AQP5: variants seen among roughly 807,000 people sequenced by gnomAD.
AQP5 encodes the protein aquaporin-5.
In AQP5, 15 loss-of-function variants were observed where a neutral mutation model predicts 19.1. That is an observed-to-expected ratio of 0.79 (90% CI 0.53 to 1.21). The LOEUF (loss-of-function observed/expected upper bound fraction) is 1.21, where lower values mean the gene tolerates loss of function less well. Among genes scored for constraint, AQP5 ranks in the 50% most tolerant of loss-of-function variants. AQP5 has a pLI of 0.00. For synonymous variants in AQP5, 182 were observed against 160.3 expected, an observed-to-expected ratio of 1.14 and a Z score of -1.02; for missense variants, 355 against 357.1, an observed-to-expected ratio of 0.99 and a Z score of 0.05.
chr12:49,962,665 A>C (rs1947443027), intron 1 of AQP5: 4 of 362,610 alleles, frequency 1.1e-5, no homozygotes, highest in South Asian at 5.6e-5. Context: ...CTCCTGTCTC[A>C]CCTTTGAGCT....
rs773360590 is a variant in AQP5 at position 49,962,083 on chromosome 12, C to T, written c.66C>T (p.Leu22=). The T allele has an allele frequency of 1.9e-6, 3 of 1,612,974 alleles. No homozygotes were observed. In the African/African-American group the frequency reaches 4.0e-5, roughly 22 times the overall value. ...TGTTCGCAGAGTTCTTGGCCACCCTCATCTTCGTCTTCTTTGGCCTGGGCT... is the reference window on the plus strand; with the variant it reads ...TGTTCGCAGAGTTCTTGGCCACCCTTATCTTCGTCTTCTTTGGCCTGGGCT... ...KAVFAEFLAT[L]IFVFFGLGSA... Residue 22 remains leucine (L), a synonymous_variant, in exon 1 of 4, where the codon CTC becomes CTT. Coordinates refer to ENST00000293599, the MANE Select transcript of AQP5 (RefSeq NM_001651.4).
At position 49,963,821 on chromosome 12, in the gene AQP5, C is replaced by A. The variant is rs1017961858; in HGVS notation, c.528+165C>A. On this transcript the variant is annotated intron_variant, in intron 2 of 3. Coordinates refer to ENST00000293599, the MANE Select transcript of AQP5 (RefSeq NM_001651.4). ...CCCTACTGGGCCCCAGAATTGATCC[C>A]CCCAAAACCTCTGGGCTGAGGAAAG... 3 of 1,069,304 alleles carry A rather than the reference C, an allele frequency of 2.8e-6. No homozygotes were observed. In the South Asian group the frequency reaches 5.0e-5, roughly 18 times the overall value. 66.2% of individuals were successfully genotyped at this position (1,069,304 alleles called of 1,614,324 possible). A position where few individuals can be genotyped will look rare whatever the true frequency, so the allele number is the denominator to read the frequency against.
At chr12:49,964,670 T>C (rs1947469580) in intron 3 of AQP5, 5 of 985,266 alleles carry the variant, frequency 5.1e-6, no homozygotes, top group Non-Finnish European at 6.0e-6. Context: ...GCTCTGTTCA[T>C]CCGTCTCTCT....
rs368250216 is a variant in AQP5 at position 49,962,350 on chromosome 12, C to G, written c.333C>G (p.Leu111=). Residue 111 remains leucine, a synonymous_variant, in exon 1 of 4, where the codon CTC becomes CTG. Transcript: ENST00000293599. ...GAGILYGVAP[L]NARGNLAVNA... is the part of the protein sequence containing the mutation. ...GCATCCTCTACGGTGTGGCACCGCT[C>G]AATGCCCGGGGCAATCTGGCCGTCA... 3 of 1,600,556 alleles carry G rather than the reference C, an allele frequency of 1.9e-6. No homozygotes were observed. Among genetic ancestry groups the G allele is most frequent in the Non-Finnish European group, 2.5e-6 (3 of 1,178,370 alleles).
In AQP5 at chr12:49,962,221, C is replaced by A. The variant is rs756851784; in HGVS notation, c.204C>A (p.Ile68=). The A allele has an allele frequency of 6.2e-7, 1 of 1,606,576 alleles. No homozygotes were observed. The highest frequency in any genetic ancestry group is 8.5e-7 in the Non-Finnish European group (1 of 1,179,830). Residue 68 remains isoleucine, a synonymous_variant, in exon 1 of 4, where the codon ATC becomes ATA. Coordinates refer to ENST00000293599, the MANE Select transcript of AQP5 (RefSeq NM_001651.4). ...QALGPVSGGH[I]NPAITLALLV... ...TGGGACCCGTGAGCGGCGGCCACAT[C>A]AACCCCGCCATCACCCTGGCCCTCT...
At chr12:49,964,726 G>T (rs981883757) in intron 3 of AQP5, 18 of 985,218 alleles carry the variant, frequency 1.8e-5, no homozygotes, top group Non-Finnish European at 2.2e-5. Context: ...TTCTCTTTCC[G>T]GTGTGGTTGG....
intron 3 of AQP5, 58 bp from the exon 4 acceptor site, chr12:49,964,934 G>A: frequency 6.4e-7 from 1 of 1,566,846 alleles, no homozygotes; most frequent in Non-Finnish European, 8.6e-7. Flanking sequence ...GGGGTGGGGG[G>A]CATGTGGTCT....
chr12:49,963,747 A>G, intron 2 of AQP5, 91 bp downstream of exon 2: 8 of 1,482,848 alleles, frequency 5.4e-6, no homozygotes, highest in Admixed American at 2.0e-5. Flanking sequence ...CTTCAGATGG[A>G]TGAGTCCAGC....
At position 49,963,634 on chromosome 12, in the gene AQP5, T is replaced by C; in HGVS notation, c.506T>C (p.Val169Ala). The change falls in exon 2 of 4, where the codon GTC becomes GCC. Residue 169 changes from valine (V) to alanine (A), a missense_variant. Transcript: ENST00000293599. ...GSPALSIGLS[V>A]TLGHLVGIYF... is the part of the protein sequence containing the mutation. Reference sequence around the variant, plus strand: ...CCAGCCCTGTCCATTGGCCTGTCTGTCACCCTGGGCCACCTTGTCGGAGTG... The same window carrying C: ...CCAGCCCTGTCCATTGGCCTGTCTGCCACCCTGGGCCACCTTGTCGGAGTG... 2 of 1,613,634 alleles carry C rather than the reference T, an allele frequency of 1.2e-6. No individual in the cohort carries two copies. The highest frequency in any genetic ancestry group is 1.7e-6 in the Non-Finnish European group (2 of 1,179,996).
At chr12:49,963,861 G>A in intron 2 of AQP5, 2 of 829,380 alleles carry the variant, frequency 2.4e-6, no homozygotes, top group South Asian at 3.6e-5. Context: ...GAGTAAGTAG[G>A]AGGTGGGATG....
rs767006877 is a variant in AQP5, at chr12:49,962,397, G to T, written c.363+17G>T. 1.4e-6 allele frequency: 2 copies of T among 1,476,584 alleles called. No homozygotes were observed. The highest frequency in any genetic ancestry group is 1.2e-5 in the South Asian group (1 of 83,886). The allele number at this position is 1,476,584 out of a possible 1,614,324, so 91.5% of individuals were successfully genotyped here. On this transcript the variant is annotated intron_variant, in intron 1 of 3. Coordinates refer to ENST00000293599, the MANE Select transcript of AQP5 (RefSeq NM_001651.4). ...GTCAACGCGGTGAGTGCCCTGGGGG[G>T]GGGGTGGGAGCCTCGACCCTGGGGT...
chr12:49,962,075 GCCAC>G lies in AQP5; in HGVS notation c.61_64del (p.Thr21SerfsTer32). 6.2e-7 allele frequency: 1 copy of G among 1,612,428 alleles called. No individual in the cohort carries two copies. Among genetic ancestry groups the G allele is most frequent in the Non-Finnish European group, 8.5e-7 (1 of 1,178,902 alleles). On this transcript the variant is annotated frameshift_variant, in exon 1 of 4. Transcript: ENST00000293599. LOFTEE classifies it high-confidence loss of function. The stretch of plus-strand genomic sequence containing the variant: ...CAAGGCCGTGTTCGCAGAGTTCTTG[GCCAC>G]CCTCATCTTCGTCTTCTTTGGCCTG...
In AQP5 at chr12:49,962,030, G is replaced by C. The variant is rs1947428790; in HGVS notation, c.13G>C (p.Val5Leu). 6.3e-7 allele frequency: 1 copy of C among 1,581,028 alleles called. No homozygotes were observed. Among genetic ancestry groups the C allele is most frequent in the Non-Finnish European group, 8.6e-7 (1 of 1,158,506 alleles). The change falls in exon 1 of 4, where the codon GTG becomes CTG. Residue 5 changes from valine to leucine, a missense_variant. Physicochemically the swap from Val to Leu is conservative, Grantham distance 32. Coordinates refer to ENST00000293599, the MANE Select transcript of AQP5 (RefSeq NM_001651.4). Reference sequence around the variant, plus strand: ...CCCCGCGGCCACCATGAAGAAGGAGGTGTGCTCCGTGGCCTTCCTCAAGGC... The same window carrying C: ...CCCCGCGGCCACCATGAAGAAGGAGCTGTGCTCCGTGGCCTTCCTCAAGGC... MKKE[V>L]CSVAFLKAVF...
rs150292051 is a variant in AQP5, at chr12:49,965,173, G to A, written c.794G>A (p.Arg265His). 237 of 1,607,802 alleles carry A rather than the reference G, an allele frequency of 1.5e-4. No homozygotes were observed. The highest frequency in any genetic ancestry group is 1.8e-4 in the East Asian group (8 of 44,726). The change falls in exon 4 of 4, where the codon CGC (arginine) becomes CAC (histidine). Residue 265 changes from arginine to histidine, a missense_variant. Coordinates refer to ENST00000293599, the MANE Select transcript of AQP5 (RefSeq NM_001651.4). ...ERKKTMELTT[R>H] ...AAGAAGACCATGGAGCTGACCACCC[G>A]CTGACCAGTGTCAGGCAGGGGCCAG...
chr12:49,962,427 T>A (rs1947437766), intron 1 of AQP5, 47 bp downstream of exon 1: 1 of 1,388,306 alleles, frequency 7.2e-7, no homozygotes, highest in Non-Finnish European at 9.5e-7. Flanking sequence ...TGGGGTGGGC[T>A]CAGGACCAGG....
rs147337355 is a variant in AQP5 at position 49,962,210 on chromosome 12, G to A, written c.193G>A (p.Gly65Ser). Residue 65 changes from glycine (G) to serine (S), a missense_variant, in exon 1 of 4, where the codon GGC becomes AGC. Physicochemically the swap from Gly to Ser is moderately conservative, Grantham distance 56. Transcript: ENST00000293599. ...TLAQALGPVS[G>S]GHINPAITLA... ...GGCCCAGGCCCTGGGACCCGTGAGC[G>A]GCGGCCACATCAACCCCGCCATCAC... The A allele has an allele frequency of 4.2e-5, 67 of 1,606,870 alleles. No homozygotes were observed. The Admixed American group carries it at 8.5e-4, about 20-fold the overall frequency.
In AQP5 at chr12:49,963,676, G is replaced by A; in HGVS notation, c.528+20G>A. 1 of 1,607,322 alleles carries A rather than the reference G, an allele frequency of 6.2e-7. No individual in the cohort carries two copies. The highest frequency in any genetic ancestry group is 8.5e-7 in the Non-Finnish European group (1 of 1,175,602). On this transcript the variant is annotated intron_variant, in intron 2 of 3. Coordinates refer to ENST00000293599, the MANE Select transcript of AQP5 (RefSeq NM_001651.4). ...GTCGGAGTGAGCAGTACCGACATTG[G>A]GCTGGGGTGAGGGTGGGGCAGGCAC...
Position 49,964,122 on chromosome 12 carries a change from G to A in AQP5, c.559G>A (p.Ala187Thr). Residue 187 changes from alanine (A) to threonine (T), a missense_variant, in exon 3 of 4, where the codon GCC (alanine) becomes ACC (threonine). Coordinates refer to ENST00000293599, the MANE Select transcript of AQP5 (RefSeq NM_001651.4). The part of the protein sequence containing the change: ...IYFTGCSMNP[A>T]RSFGPAVVMN... ...CTTCACTGGCTGCTCCATGAACCCA[G>A]CCCGCTCTTTTGGCCCTGCGGTGGT... 1 of 1,614,186 alleles carries A rather than the reference G, an allele frequency of 6.2e-7. No individual in the cohort carries two copies. Among genetic ancestry groups the A allele is most frequent in the Non-Finnish European group, 8.5e-7 (1 of 1,180,038 alleles).
In AQP5 at chr12:49,965,012, C is replaced by G; in HGVS notation, c.633C>G (p.Ile211Met). The G allele has an allele frequency of 1.2e-6, 2 of 1,613,574 alleles. No individual in the cohort carries two copies. The highest frequency in any genetic ancestry group is 1.1e-5 in the South Asian group (1 of 90,992). The change falls in exon 4 of 4, where the codon ATC becomes ATG. Residue 211 changes from isoleucine to methionine, a missense_variant. Transcript: ENST00000293599. ...PAHWVFWVGP[I>M]VGAVLAAILY... ...ACCAGGTTTTCTGGGTAGGGCCCATCGTGGGGGCGGTCCTGGCTGCCATCC... is the reference window on the plus strand; with the variant it reads ...ACCAGGTTTTCTGGGTAGGGCCCATGGTGGGGGCGGTCCTGGCTGCCATCC...
Sources: allele counts gnomAD v4.1 joint callset, GRCh38; gene constraint gnomAD v4.1.1; transcripts MANE v1.5; gene names NCBI Gene and HGNC (gene_info 2026-07-23, HGNC 2026-07-21).